Variants in DOCK3 observed in about 807,000 individuals in gnomAD.
DOCK3 encodes the protein dedicator of cytokinesis protein 3.
In DOCK3, 60 loss-of-function variants were observed where a neutral mutation model predicts 265.6. That is an observed-to-expected ratio of 0.23 (90% confidence interval 0.18 to 0.28). DOCK3 has a LOEUF of 0.28. Ranked by LOEUF, DOCK3 falls within the 10% of genes least tolerant of loss-of-function variation. DOCK3 has a pLI of 1.00. For synonymous variants in DOCK3, 881 were observed against 938.0 expected, an observed-to-expected ratio of 0.94 and a Z score of 1.11; for missense variants, 1,981 against 2,594.3, an observed-to-expected ratio of 0.76 and a Z score of 5.14.
intron 3 of DOCK3, among the ~76,000 whole-genome samples, chr3:50,889,238 C>T (rs912639209): frequency 4.6e-5 from 7 of 151,736 alleles, no homozygotes; most frequent in Non-Finnish European, 1.0e-4. Flanking sequence ...TGTGCACCAC[C>T]ACACCTGGCT....
chr3:50,691,310 A>G (rs2035227867), intron 1 of DOCK3, among the ~76,000 whole-genome samples: 1 of 151,650 alleles, frequency 6.6e-6, no homozygotes, highest in South Asian at 2.1e-4. Flanking sequence ...AAGTAATCAT[A>G]CAATGTTTGT....
chr3:50,934,637 G>A (rs1241099380), intron 5 of DOCK3, among the ~76,000 whole-genome samples: 1 of 152,028 alleles, frequency 6.6e-6, no homozygotes, highest in African/African-American at 2.4e-5. Context: ...AACCACCGTG[G>A]GGGCCACCAT....
chr3:50,842,118 G>A (rs1275733063), intron 3 of DOCK3, among the ~76,000 whole-genome samples: 1 of 152,032 alleles, frequency 6.6e-6, no homozygotes, highest in Non-Finnish European at 1.5e-5. Flanking sequence ...ATAATTTATT[G>A]AAATATGAAT....
At chr3:51,117,614 G>A (rs996156455) in intron 9 of DOCK3, among the ~76,000 whole-genome samples, 4 of 152,026 alleles carry the variant, frequency 2.6e-5, no homozygotes, top group Non-Finnish European at 5.9e-5. Context: ...TTGGTTGGTA[G>A]GCTGTTAATT....
chr3:51,163,683 A>C (rs1477503788), intron 12 of DOCK3, among the ~76,000 whole-genome samples: 1 of 152,182 alleles, frequency 6.6e-6, no homozygotes, highest in African/African-American at 2.4e-5. Context: ...ATGGCTTTGA[A>C]TATGTGATGA....
intron 37 of DOCK3, among the ~76,000 whole-genome samples, chr3:51,339,882 G>T (rs2110075733): frequency 6.6e-6 from 1 of 152,344 alleles, no homozygotes; most frequent in African/African-American, 2.4e-5. Context: ...CAATTAGATA[G>T]ATTTGTAGAA....
At chr3:51,208,966 A>G (rs968479812) in intron 13 of DOCK3, 104 bp downstream of exon 13, 10 of 942,868 alleles carry the variant, frequency 1.1e-5, no homozygotes, top group Non-Finnish European at 1.4e-5. Context: ...TTCCCTACAG[A>G]TATTTATTCT....
chr3:50,867,876 C>G (rs2047221699), intron 3 of DOCK3, among the ~76,000 whole-genome samples: 1 of 151,874 alleles, frequency 6.6e-6, no homozygotes, highest in South Asian at 2.1e-4. Context: ...AGATATTGGC[C>G]TGTAGTTTTC....
intron 3 of DOCK3, among the ~76,000 whole-genome samples, chr3:50,857,873 T>G (rs138618959): frequency 0.025 from 3,803 of 152,316 alleles, 183 homozygotes; most frequent in African/African-American, 0.087. Context: ...AGTGTGGTGA[T>G]TCTTCAAGGA....
intron 24 of DOCK3, among the ~76,000 whole-genome samples, chr3:51,273,586 T>G (rs1054469334): frequency 6.6e-6 from 1 of 152,212 alleles, no homozygotes; most frequent in Admixed American, 6.5e-5. Context: ...TAGTGCAGTA[T>G]CAACTTTTTT....
intron 1 of DOCK3, among the ~76,000 whole-genome samples, chr3:50,723,753 A>G (rs575147884): frequency 6.6e-6 from 1 of 152,184 alleles, no homozygotes; most frequent in Non-Finnish European, 1.5e-5. Flanking sequence ...CCTAGAAGAA[A>G]ACCTAGGCAA....
intron 7 of DOCK3, 78 bp from the exon 8 acceptor site, chr3:51,089,165 G>A: frequency 6.9e-7 from 1 of 1,451,010 alleles, no homozygotes; most frequent in African/African-American, 1.4e-5. Context: ...ATAGCAGACT[G>A]CCCAGCATAT....
chr3:50,821,140 C>CT (rs771111717), intron 2 of DOCK3, among the ~76,000 whole-genome samples: 3,305 of 119,442 alleles, frequency 0.028, 77 homozygotes, highest in African/African-American at 0.061. Context: ...TTTCTTTTTT[C>CT]TTTTTTTTTT....
chr3:51,076,682 A>G (rs907594442), intron 7 of DOCK3, among the ~76,000 whole-genome samples: 1 of 152,206 alleles, frequency 6.6e-6, no homozygotes, highest in Non-Finnish European at 1.5e-5. Context: ...AGTGGAATCA[A>G]TAGACCACAG....
rs560172116 is a variant in DOCK3 at position 50,879,000 on chromosome 3, A to C, written c.163-11026A>C. Reference sequence around the variant, plus strand: ...AACATTCTTAAAGAAAAGAATTTTCAACCCAGAATTTCATATCCAGCCAAA... The same window carrying C: ...AACATTCTTAAAGAAAAGAATTTTCCACCCAGAATTTCATATCCAGCCAAA... On this transcript the variant is annotated intron_variant, in intron 3 of 52. Transcript: ENST00000266037. 3.5e-3 allele frequency among the ~76,000 whole-genome samples: 533 copies of C among 152,312 alleles called. 1 individual carries two copies. The highest frequency in any genetic ancestry group is 6.2e-3 in the Non-Finnish European group (420 of 68,018).
At chr3:50,736,976 G>A (rs2038674095) in intron 1 of DOCK3, among the ~76,000 whole-genome samples, 1 of 152,142 alleles carries the variant, frequency 6.6e-6, no homozygotes, top group African/African-American at 2.4e-5. Context: ...ACAGGTGTGA[G>A]CCACTGTGCC....
chr3:51,376,014 A>C (rs138397506), intron 51 of DOCK3, among the ~76,000 whole-genome samples, 179 bp downstream of exon 51: 27 of 152,232 alleles, frequency 1.8e-4, no homozygotes, highest in African/African-American at 6.0e-4. Flanking sequence ...ACTTGATGCT[A>C]AGGTTTATAT....
chr3:51,283,772 A>G (rs1310422416), intron 27 of DOCK3, among the ~76,000 whole-genome samples: 1 of 152,202 alleles, frequency 6.6e-6, no homozygotes, highest in African/African-American at 2.4e-5. Flanking sequence ...ACTGCATCCT[A>G]AACCTCCCCG....
intron 49 of DOCK3, among the ~76,000 whole-genome samples, chr3:51,373,734 A>G (rs2087865468): frequency 6.6e-6 from 1 of 152,194 alleles, no homozygotes; most frequent in Non-Finnish European, 1.5e-5. Context: ...AAAGAGCCTG[A>G]GTTAAAGCCC....
Sources: gnomAD v4.1 joint callset for allele counts (sites outside exome capture counted in the v4.1 genomes callset) on GRCh38, gnomAD v4.1.1 for gene constraint, MANE v1.5 for transcripts, NCBI Gene and HGNC (gene_info 2026-07-23, HGNC 2026-07-21) for gene names.